Variants in MGAT5 observed in about 807,000 individuals in gnomAD.
MGAT5 encodes the protein alpha-1,6-mannosylglycoprotein 6-beta-N-acetylglucosaminyltransferase.
MGAT5 carries 30 observed loss-of-function variants against 94.3 expected under a neutral mutation model. The ratio of observed to expected loss-of-function variants is 0.32; its 90% CI spans 0.24 to 0.43. The LOEUF is 0.43. Among genes scored for constraint, MGAT5 ranks in the 20% least tolerant of loss-of-function variants. The probability of loss-of-function intolerance (pLI) is 1.00; values close to 1 mark genes in which losing one functional copy is unlikely to be tolerated. For synonymous variants in MGAT5, 310 were observed against 322.9 expected, an observed-to-expected ratio of 0.96 and a Z score of 0.43; for missense variants, 691 against 905.5, an observed-to-expected ratio of 0.76 and a Z score of 3.04.
At chr2:134,412,196 C>T (rs953456918) in intron 11 of MGAT5, among the ~76,000 whole-genome samples, 1 of 152,116 alleles carries the variant, frequency 6.6e-6, no homozygotes, top group African/African-American at 2.4e-5. Flanking sequence ...TATGGTCTGT[C>T]TTGGGGGAAG....
rs191583944 is a variant in MGAT5, at chr2:134,147,350, G to A, written c.-143+27059G>A. 4.2e-4 allele frequency among the ~76,000 whole-genome samples: 64 copies of A among 152,290 alleles called. No homozygotes were observed. The East Asian group carries it at 0.011, about 27-fold the overall frequency. On this transcript the variant is annotated intron_variant, in intron 1 of 16. Transcript: ENST00000409645. ...CTATGCAGGCAGTGTAGCTCTATAT[G>A]AAAAGGAACCTATTGATTAAATACT...
chr2:134,439,458 AGG>A (rs1685352777), intron 14 of MGAT5, among the ~76,000 whole-genome samples: 3 of 152,188 alleles, frequency 2.0e-5, no homozygotes, highest in African/African-American at 7.2e-5. Flanking sequence ...GCACTTTGGG[AGG>A]TTGAGGTGGG....
intron 1 of MGAT5, among the ~76,000 whole-genome samples, chr2:134,213,520 A>G (rs1680312114): frequency 6.6e-6 from 1 of 152,136 alleles, no homozygotes; most frequent in Admixed American, 6.5e-5. Context: ...GAGTTATTGC[A>G]TACCCTACAA....
At chr2:134,330,554 A>AGTGTGTGTTTGTGTGTGTGT (rs1687902862) in intron 4 of MGAT5, among the ~76,000 whole-genome samples, 1 of 148,494 alleles carries the variant, frequency 6.7e-6, no homozygotes, top group Non-Finnish European at 1.5e-5. Context: ...TAAATTGTGT[A>AGTGTGTGTTTGTGTGTGTGT]GTGTGTGTGT....
chr2:134,299,139 T>A (rs1408299807), intron 2 of MGAT5, among the ~76,000 whole-genome samples: 1 of 152,132 alleles, frequency 6.6e-6, no homozygotes, highest in Non-Finnish European at 1.5e-5. Flanking sequence ...GTCCACAAAA[T>A]CTCTGTCAAT....
chr2:134,268,828 TA>T lies in MGAT5; in HGVS notation c.242-1557del, dbSNP rs1285867610. The stretch of plus-strand genomic sequence containing the variant: ...GGTAAGGAAACAGGAATGCCAGAGG[TA>T]GGACTCAAACCTAGGAACTCTGGCT... On this transcript the variant is annotated intron_variant, in intron 1 of 15. Transcript: ENST00000281923. This position sits in a 1 kb window ranked among gnomAD's most constrained non-coding sequence, Gnocchi z 4.1. Among the ~76,000 whole-genome samples the T allele has an allele frequency of 6.6e-6, 1 of 152,178 alleles. No homozygotes were observed. Among genetic ancestry groups the T allele is most frequent in the Non-Finnish European group, 1.5e-5 (1 of 68,030 alleles).
At chr2:134,363,497 T>C (rs1161621161) in intron 10 of MGAT5, among the ~76,000 whole-genome samples, 1 of 152,224 alleles carries the variant, frequency 6.6e-6, no homozygotes, top group African/African-American at 2.4e-5. Context: ...GTACAGTAGT[T>C]CTCAACTGCA....
intron 10 of MGAT5, among the ~76,000 whole-genome samples, chr2:134,389,299 C>T (rs540697925): frequency 1.2e-4 from 19 of 152,220 alleles, no homozygotes; most frequent in East Asian, 3.9e-4. Flanking sequence ...TCTATGCTGA[C>T]GAGTAATGCT....
intron 5 of MGAT5, among the ~76,000 whole-genome samples, chr2:134,337,292 C>G (rs1460214158): frequency 6.6e-6 from 1 of 152,148 alleles, no homozygotes; most frequent in East Asian, 1.9e-4. Context: ...CTGGGCAATA[C>G]AGCAGGACCC....
At chr2:134,221,081 C>T (rs865995589) in intron 1 of MGAT5, among the ~76,000 whole-genome samples, 2 of 152,148 alleles carry the variant, frequency 1.3e-5, no homozygotes, top group African/African-American at 2.4e-5. Context: ...TGGGTGTTGA[C>T]AAAAAGAGTC....
At chr2:134,150,831 G>A (rs1687134463) in intron 1 of MGAT5, among the ~76,000 whole-genome samples, 1 of 152,184 alleles carries the variant, frequency 6.6e-6, no homozygotes, top group African/African-American at 2.4e-5. Flanking sequence ...CATTATAGGT[G>A]TGGCCTGGTA....
intron 2 of MGAT5, among the ~76,000 whole-genome samples, chr2:134,275,325 G>C (rs937499984): frequency 6.6e-6 from 1 of 152,180 alleles, no homozygotes; most frequent in African/African-American, 2.4e-5. Flanking sequence ...TAAATATGTG[G>C]ACCCTTGTCA....
chr2:134,247,243 A>G (rs1257926404), intron 1 of MGAT5, among the ~76,000 whole-genome samples: 3 of 151,922 alleles, frequency 2.0e-5, no homozygotes, highest in African/African-American at 7.3e-5. Flanking sequence ...AAAATATGGG[A>G]GTCAGGCAAG....
At chr2:134,248,981 C>A (rs886311251) in intron 1 of MGAT5, among the ~76,000 whole-genome samples, 5 of 151,936 alleles carry the variant, frequency 3.3e-5, no homozygotes, top group African/African-American at 1.2e-4. Context: ...GGCCAGGAGC[C>A]TTCTGAAGCC....
chr2:134,185,822 G>A (rs1688981127), intron 1 of MGAT5, among the ~76,000 whole-genome samples: 1 of 152,224 alleles, frequency 6.6e-6, no homozygotes, highest in Admixed American at 6.5e-5. Context: ...GAAGAGGAGA[G>A]ATGGAATGTT....
chr2:134,391,104 A>G, intron 10 of MGAT5, among the ~76,000 whole-genome samples: 1 of 152,108 alleles, frequency 6.6e-6, no homozygotes, highest in East Asian at 1.9e-4. Context: ...GGACATATTG[A>G]ACTCTCAAGC....
chr2:134,356,819 T>C (rs1679774497), intron 9 of MGAT5, among the ~76,000 whole-genome samples: 1 of 152,122 alleles, frequency 6.6e-6, no homozygotes, highest in Non-Finnish European at 1.5e-5. Context: ...ACATTCTTCT[T>C]TTAGACTTCC....
At chr2:134,330,519 C>A (rs189625823) in intron 4 of MGAT5, among the ~76,000 whole-genome samples, 14 of 146,650 alleles carry the variant, frequency 9.5e-5, no homozygotes, top group Admixed American at 4.1e-4. Context: ...TGCTAGTACC[C>A]GTGTTATAAG....
At chr2:134,240,717 C>A (rs1463405594) in intron 1 of MGAT5, among the ~76,000 whole-genome samples, 1 of 152,130 alleles carries the variant, frequency 6.6e-6, no homozygotes, top group African/African-American at 2.4e-5. Context: ...CATCTGAAAT[C>A]TTTTGGCATA....
Sources: gnomAD v4.1 joint callset for allele counts (sites outside exome capture counted in the v4.1 genomes callset) on GRCh38, gnomAD v4.1.1 for gene constraint, Gnocchi (gnomAD v3.1) non-coding constraint, MANE v1.5 for transcripts, NCBI Gene and HGNC (gene_info 2026-07-23, HGNC 2026-07-21) for gene names.